Variants in ANK3 observed in about 807,000 individuals in gnomAD.
The protein encoded by ANK3 is ankyrin-3.
ANK3 carries 57 observed loss-of-function variants against 370.9 expected under a neutral mutation model. The ratio of observed to expected loss-of-function variants is 0.15; its 90% confidence interval spans 0.12 to 0.19. The LOEUF is 0.19. Ranked by LOEUF, ANK3 falls within the 10% of genes least tolerant of loss-of-function variation. The pLI is 1.00. For synonymous variants in ANK3, 1,929 were observed against 1,946.3 expected (o/e 0.99, Z 0.23); for missense variants, 4,439 against 5,302.1 (o/e 0.84, Z 5.06).
At position 60,240,097 on chromosome 10, in the gene ANK3, C is replaced by T. The variant is rs1204263846; in HGVS notation, c.799-5311G>A. 5.9e-5 allele frequency among the ~76,000 whole-genome samples: 7 copies of T among 118,198 alleles called. No homozygotes were observed. The East Asian group carries it at 1.7e-3, about 28-fold the overall frequency. 77.5% of individuals were successfully genotyped at this position (118,198 alleles called of 152,430 possible). On this transcript the variant is annotated intron_variant, in intron 7 of 43. Coordinates refer to ENST00000280772, the MANE Select transcript of ANK3 (RefSeq NM_020987.5). ...TATACATATATACACTATATATACACACACATAAATACATATATATACACA... is the reference window on the plus strand; with the variant it reads ...TATACATATATACACTATATATACATACACATAAATACATATATATACACA...
chr10:60,070,393 C>T lies in ANK3; in HGVS notation c.10488G>A (p.Gln3496=), dbSNP rs555070862. The change falls in exon 37 of 44, where the codon CAG becomes CAA. Residue 3496 remains glutamine, a synonymous_variant. Transcript: ENST00000280772. The surrounding 1 kb of genome is among the most constrained non-coding windows in gnomAD (Gnocchi z 5.7). ...GTGTGAAGAACTGGGCCCCTGACTT[C>T]TGATCAGTCTTATCAGGAGTCTTTT... is the stretch of plus-strand genomic sequence containing the variant. ...SSEKTPDKTD[Q]KSGAQFFTLE... is the part of the protein sequence containing the mutation. 9.3e-6 allele frequency: 15 copies of T among 1,614,132 alleles called. No individual in the cohort carries two copies. The African/African-American group carries it at 1.5e-4, about 16-fold the overall frequency.
chr10:60,255,278 C>T (rs2097718651), intron 7 of ANK3, among the ~76,000 whole-genome samples: 1 of 152,126 alleles, frequency 6.6e-6, no homozygotes, highest in South Asian at 2.1e-4. Context: ...GAATGAAATG[C>T]AGCTGAACAT....
chr10:60,056,076 G>C, intron 41 of ANK3, 40 bp from the exon 42 acceptor site: 2 of 1,564,704 alleles, frequency 1.3e-6, no homozygotes, highest in South Asian at 2.4e-5. Context: ...GGCAAACTAT[G>C]ACTGAATATA....
chr10:60,572,593 A>G, intron 2 of ANK3: 1 of 1,524,264 alleles, frequency 6.6e-7, no homozygotes, highest in South Asian at 1.2e-5. Flanking sequence ...ATCCAAAACC[A>G]CGGCAAAGAG....
intron 27 of ANK3, 39 bp downstream of exon 27, chr10:60,108,791 A>C: frequency 2.6e-6 from 4 of 1,565,970 alleles, no homozygotes; most frequent in African/African-American, 1.4e-5. Flanking sequence ...TCAAAGATGC[A>C]TTGTGAGGGC....
At chr10:60,677,599 GA>G (rs2079141680) in intron 1 of ANK3, among the ~76,000 whole-genome samples, 1 of 152,018 alleles carries the variant, frequency 6.6e-6, no homozygotes, top group Admixed American at 6.6e-5. Context: ...AAGTATATTT[GA>G]AACATCTGAA....
At chr10:60,718,210 C>A (rs1203284991) in intron 1 of ANK3, among the ~76,000 whole-genome samples, 1 of 152,100 alleles carries the variant, frequency 6.6e-6, no homozygotes, top group East Asian at 1.9e-4. Flanking sequence ...CAGTTTTAGG[C>A]CAAATTTAAT....
intron 30 of ANK3, among the ~76,000 whole-genome samples, chr10:60,086,303 G>C (rs954146446): frequency 5.3e-5 from 8 of 152,130 alleles, no homozygotes; most frequent in African/African-American, 1.7e-4. Context: ...TTTCCTTGTA[G>C]TTTAAAGTAT....
At chr10:60,306,957 T>C (rs560736233) in intron 1 of ANK3, among the ~76,000 whole-genome samples, 3 of 152,288 alleles carry the variant, frequency 2.0e-5, no homozygotes, top group South Asian at 4.2e-4. Context: ...CTCAAACTTC[T>C]GGCCTCAAGC....
At chr10:60,633,779 T>C (rs1047284833) in intron 1 of ANK3, among the ~76,000 whole-genome samples, 2 of 152,204 alleles carry the variant, frequency 1.3e-5, no homozygotes, top group African/African-American at 4.8e-5. Flanking sequence ...AGCAATTTCC[T>C]AAACCTCCAC....
chr10:60,260,426 AT>A (rs1433750787), intron 7 of ANK3, among the ~76,000 whole-genome samples: 1 of 152,162 alleles, frequency 6.6e-6, no homozygotes, highest in Admixed American at 6.5e-5. Context: ...ATTATACACT[AT>A]CTCCCTATCT....
intron 40 of ANK3, chr10:60,061,837 T>C (rs879670361): frequency 1.3e-5 from 2 of 152,188 alleles, no homozygotes; most frequent in Admixed American, 1.3e-4. Flanking sequence ...CCACAAAATA[T>C]ATGCAGAATT....
chr10:60,439,456 G>A (rs538336147), intron 2 of ANK3, among the ~76,000 whole-genome samples: 7 of 152,020 alleles, frequency 4.6e-5, no homozygotes, highest in East Asian at 1.9e-4. Flanking sequence ...CCAGGAGTTC[G>A]AGACCTGCCA....
At chr10:60,275,023 G>A (rs1225486948) in intron 4 of ANK3, among the ~76,000 whole-genome samples, 4 of 152,192 alleles carry the variant, frequency 2.6e-5, no homozygotes, top group Admixed American at 2.6e-4. Context: ...ACTGTTTGCT[G>A]TGAAATGGCA....
intron 2 of ANK3, among the ~76,000 whole-genome samples, chr10:60,528,946 A>G (rs2076541303): frequency 6.6e-6 from 1 of 152,138 alleles, no homozygotes; most frequent in Non-Finnish European, 1.5e-5. Context: ...GTTGACATTA[A>G]TGTTTATAAT....
intron 7 of ANK3, among the ~76,000 whole-genome samples, chr10:60,247,341 G>A (rs746085768): frequency 7.2e-5 from 11 of 151,904 alleles, no homozygotes; most frequent in Non-Finnish European, 1.6e-4. Flanking sequence ...TTCAATATAC[G>A]CTTTAAAAAT....
At chr10:60,681,763 A>C (rs886346344) in intron 1 of ANK3, among the ~76,000 whole-genome samples, 2 of 152,236 alleles carry the variant, frequency 1.3e-5, no homozygotes, top group African/African-American at 4.8e-5. Context: ...CATGGAAGTA[A>C]GTTACCATGG....
intron 2 of ANK3, among the ~76,000 whole-genome samples, chr10:60,614,055 C>G (rs1306834320): frequency 6.6e-6 from 1 of 151,976 alleles, no homozygotes; most frequent in Non-Finnish European, 1.5e-5. Flanking sequence ...GCCTGGGCAA[C>G]AGAGCAAGAC....
At chr10:60,354,318 C>T (rs1430512268) in intron 1 of ANK3, among the ~76,000 whole-genome samples, 1 of 152,198 alleles carries the variant, frequency 6.6e-6, no homozygotes, top group African/African-American at 2.4e-5. Flanking sequence ...ATCTGAGAAA[C>T]CTTTAAGTCT....
Sources: allele counts gnomAD v4.1 joint callset (sites outside exome capture counted in the v4.1 genomes callset), GRCh38; gene constraint gnomAD v4.1.1; non-coding constraint Gnocchi (gnomAD v3.1); transcripts MANE v1.5; gene names NCBI Gene and HGNC (gene_info 2026-07-23, HGNC 2026-07-21).